Variants in KIF1B observed in about 807,000 individuals in gnomAD.
KIF1B encodes kinesin family member 1B, also known as kinesin-like protein KIF1B.
A neutral mutation model predicts 241.9 loss-of-function variants in KIF1B; 76 were observed. The ratio of observed to expected loss-of-function variants is 0.31; its 90% confidence interval spans 0.26 to 0.38. The LOEUF is 0.38. Among genes scored for constraint, KIF1B ranks in the 10% least tolerant of loss-of-function variants. The probability of loss-of-function intolerance (pLI) is 1.00; values close to 1 mark genes in which losing one functional copy is unlikely to be tolerated. For synonymous variants in KIF1B, 750 were observed against 796.7 expected (o/e 0.94, Z 0.99); for missense variants, 1,622 against 2,271.4 (o/e 0.71, Z 5.81).
At chr1:10,226,585 A>AT (rs1158279285) in intron 1 of KIF1B, among the ~76,000 whole-genome samples, 1 of 152,180 alleles carries the variant, frequency 6.6e-6, no homozygotes, top group Non-Finnish European at 1.5e-5. Flanking sequence ...AACTATCAAC[A>AT]TTTTGGCAAT....
chr1:10,375,389 G>A lies in KIF1B; in HGVS notation c.5408+16G>A, dbSNP rs1444483640. The A allele has an allele frequency of 1.3e-6, 2 of 1,592,950 alleles. No homozygotes were observed. Among genetic ancestry groups the A allele is most frequent in the African/African-American group, 2.7e-5 (2 of 74,422 alleles). ...GCACAATACGGTAAGAAGTTTTGTT[G>A]TTGTTGTTGTTGTTTTTGAGACGGA... is the stretch of plus-strand genomic sequence containing the variant. On this transcript the variant is annotated intron_variant, in intron 48 of 48. Transcript: ENST00000676179.
At chr1:10,322,842 G>C (rs1651576202) in intron 24 of KIF1B, among the ~76,000 whole-genome samples, 1 of 152,064 alleles carries the variant, frequency 6.6e-6, no homozygotes, top group South Asian at 2.1e-4. Context: ...AATAATTGTT[G>C]GTGAAACTAT....
chr1:10,325,010 T>A (rs1651676003), intron 26 of KIF1B, 115 bp downstream of exon 26: 4 of 1,151,102 alleles, frequency 3.5e-6, no homozygotes, highest in Non-Finnish European at 5.2e-6. Context: ...TAAAAAGGCC[T>A]TATCTATAAT....
chr1:10,318,700 T>G (rs1178476939), intron 22 of KIF1B, among the ~76,000 whole-genome samples: 1 of 152,050 alleles, frequency 6.6e-6, no homozygotes, highest in South Asian at 2.1e-4. Flanking sequence ...GCCTGGACAA[T>G]AATAGAGTGA....
chr1:10,337,310 G>A lies in KIF1B; in HGVS notation c.3260-61G>A. ...TTCATCAACTAGGAATGGAAAGCAT[G>A]CCCAACTCCCTCCTCTTTGCATTAT... On this transcript the variant is annotated intron_variant, in intron 30 of 48. Coordinates refer to ENST00000676179, the MANE Select transcript of KIF1B (RefSeq NM_001365951.3). This position sits in a 1 kb window ranked among gnomAD's most constrained non-coding sequence, Gnocchi z 4.0. 6.2e-7 allele frequency: 1 copy of A among 1,612,548 alleles called. No homozygotes were observed. Among genetic ancestry groups the A allele is most frequent in the Middle Eastern group, 1.7e-4 (1 of 6,058 alleles).
In KIF1B at chr1:10,372,755, G is replaced by A. The variant is rs1161821651; in HGVS notation, c.4946+1493G>A. 4.3e-4 allele frequency among the ~76,000 whole-genome samples: 64 copies of A among 147,376 alleles called. 1 individual carries two copies. Among genetic ancestry groups the A allele is most frequent in the Non-Finnish European group, 7.4e-4 (49 of 66,574 alleles). ...CGCCATTCTCCTGCTTCAGCCTCCC[G>A]AGTAGCTGGGACTACAGGTGCCCGC... On this transcript the variant is annotated intron_variant, in intron 45 of 48. Transcript: ENST00000676179.
At chr1:10,339,703 T>C (rs182643446) in intron 31 of KIF1B, 66 bp from the exon 32 acceptor site, 13 of 1,357,110 alleles carry the variant, frequency 9.6e-6, no homozygotes, top group Non-Finnish European at 1.3e-5. Context: ...CATTGGGCTC[T>C]TGAAAGAGAT....
intron 11 of KIF1B, 122 bp from the exon 12 acceptor site, chr1:10,276,195 AAAAG>A (rs1388884847): frequency 9.2e-6 from 7 of 762,212 alleles, no homozygotes; most frequent in South Asian, 1.5e-5. Context: ...AAAAAAAAAT[AAAAG>A]AAAGAAATTT....
At chr1:10,281,040 T>C (rs953652880) in intron 14 of KIF1B, among the ~76,000 whole-genome samples, 3 of 152,198 alleles carry the variant, frequency 2.0e-5, no homozygotes, top group African/African-American at 7.2e-5. Context: ...GCCTCTTTGC[T>C]TGTTGCCCTA....
chr1:10,368,258 G>A (rs960148488), intron 43 of KIF1B, among the ~76,000 whole-genome samples: 1 of 152,118 alleles, frequency 6.6e-6, no homozygotes, highest in South Asian at 2.1e-4. Flanking sequence ...TTGTTTGTTT[G>A]TTTTTAAATT....
chr1:10,286,095 A>G (rs1028448974), intron 15 of KIF1B, among the ~76,000 whole-genome samples: 2 of 151,574 alleles, frequency 1.3e-5, no homozygotes, highest in African/African-American at 4.9e-5. Flanking sequence ...GCTGGAGTGC[A>G]GTGACGCGAT....
At chr1:10,314,539 C>T (rs528356075) in intron 22 of KIF1B, among the ~76,000 whole-genome samples, 13 of 151,538 alleles carry the variant, frequency 8.6e-5, no homozygotes, top group East Asian at 3.9e-4. Context: ...CCCACCTTAG[C>T]GTCCCGAGTA....
chr1:10,329,136 T>C (rs1158292115), intron 27 of KIF1B, among the ~76,000 whole-genome samples: 1 of 152,250 alleles, frequency 6.6e-6, no homozygotes, highest in Non-Finnish European at 1.5e-5. Context: ...AAAATACTTA[T>C]GGAGCTGTGG....
chr1:10,258,354 G>A (rs1647920834), intron 3 of KIF1B, 139 bp from the exon 4 acceptor site: 1 of 778,498 alleles, frequency 1.3e-6, no homozygotes, highest in Non-Finnish European at 2.1e-6. Flanking sequence ...GTAAACTTGT[G>A]TATAGGAGGC....
chr1:10,219,859 A>G (rs1015035432), intron 1 of KIF1B, among the ~76,000 whole-genome samples: 2 of 152,054 alleles, frequency 1.3e-5, no homozygotes, highest in African/African-American at 2.4e-5. Context: ...CTTGCGCCCA[A>G]TAGTTCGGTA....
chr1:10,305,421 A>C, intron 22 of KIF1B: 1 of 1,055,656 alleles, frequency 9.5e-7, no homozygotes, highest in Middle Eastern at 4.3e-4. Context: ...ACACATGCAC[A>C]CAAAGTGAAC....
intron 2 of KIF1B, among the ~76,000 whole-genome samples, chr1:10,241,056 A>ACC (rs150103260): frequency 0.019 from 2,840 of 152,224 alleles, 39 homozygotes; most frequent in Non-Finnish European, 0.028. Context: ...ATCAAATGAA[A>ACC]TCATGTATAC....
chr1:10,301,832 T>C (rs1337593826), intron 22 of KIF1B, among the ~76,000 whole-genome samples: 1 of 152,224 alleles, frequency 6.6e-6, no homozygotes, highest in African/African-American at 2.4e-5. Context: ...CAGAGATCCA[T>C]GTTATCAAGA....
Position 10,258,648 on chromosome 1 carries a change from A to C in KIF1B, c.339A>C (p.Glu113Asp). The C allele has an allele frequency of 6.2e-7, 1 of 1,614,148 alleles. No individual in the cohort carries two copies. Among genetic ancestry groups the C allele is most frequent in the Non-Finnish European group, 8.5e-7 (1 of 1,180,006 alleles). The change falls in exon 4 of 49, where the codon GAA becomes GAC. Residue 113 changes from glutamate (E) to aspartate (D), a missense_variant. Physicochemically the swap from Glu to Asp is conservative, Grantham distance 45. Coordinates refer to ENST00000676179, the MANE Select transcript of KIF1B (RefSeq NM_001365951.3). Reference protein sequence around the residue: ...KSYTMMGKQEESQAGIIPQLC... With the variant: ...KSYTMMGKQEDSQAGIIPQLC... ...ATACAATGATGGGTAAACAAGAAGAAAGCCAGGCTGGCATCATTCCACAGG... is the reference window on the plus strand; with the variant it reads ...ATACAATGATGGGTAAACAAGAAGACAGCCAGGCTGGCATCATTCCACAGG...
Sources: gnomAD v4.1 joint callset for allele counts (sites outside exome capture counted in the v4.1 genomes callset) on GRCh38, gnomAD v4.1.1 for gene constraint, Gnocchi (gnomAD v3.1) non-coding constraint, MANE v1.5 for transcripts, NCBI Gene and HGNC (gene_info 2026-07-23, HGNC 2026-07-21) for gene names.